The following EYS variants were observed in gnomAD, a reference collection of about 807,000 sequenced individuals.
EYS encodes EGF-like photoreceptor maintenance factor.
EYS carries 250 observed loss-of-function variants against 282.1 expected under a neutral mutation model. That is an observed-to-expected ratio of 0.89 (90% CI 0.80 to 0.98). EYS has a LOEUF of 0.98. Ranked by LOEUF, EYS falls within the 50% of genes least tolerant of loss-of-function variation. EYS has a pLI of 0.00. For synonymous variants in EYS, 1,355 were observed against 1,282.9 expected, an observed-to-expected ratio of 1.06 and a Z score of -1.20; for missense variants, 4,016 against 3,709.0, an observed-to-expected ratio of 1.08 and a Z score of -2.15.
intron 8 of EYS, among the ~76,000 whole-genome samples, chr6:65,376,749 A>T (rs1484326226): frequency 6.6e-6 from 1 of 152,214 alleles, no homozygotes; most frequent in Non-Finnish European, 1.5e-5. Context: ...CAGACGTTAA[A>T]CCAAGAAATA....
chr6:65,124,211 A>C (rs1377698867), intron 12 of EYS, among the ~76,000 whole-genome samples: 2 of 152,150 alleles, frequency 1.3e-5, no homozygotes, highest in Admixed American at 1.3e-4. Context: ...ATGTAAAAAA[A>C]AACATTGAAA....
intron 22 of EYS, among the ~76,000 whole-genome samples, chr6:64,686,310 T>C (rs1486363632): frequency 6.6e-6 from 1 of 151,736 alleles, no homozygotes; most frequent in East Asian, 1.9e-4. Context: ...ATAAGAGAAA[T>C]CTTTTATAAA....
intron 35 of EYS, among the ~76,000 whole-genome samples, chr6:63,948,829 A>G (rs976677949): frequency 2.0e-5 from 3 of 152,158 alleles, no homozygotes; most frequent in Non-Finnish European, 4.4e-5. Flanking sequence ...GTATTGTTCC[A>G]TAATTATTTA....
intron 2 of EYS, among the ~76,000 whole-genome samples, chr6:65,557,559 C>T (rs1299118951): frequency 2.6e-5 from 4 of 152,204 alleles, no homozygotes; most frequent in East Asian, 1.9e-4. Context: ...GGTGTTACAA[C>T]ATGTCACAGC....
At chr6:64,255,359 C>A (rs968224772) in intron 30 of EYS, among the ~76,000 whole-genome samples, 1 of 152,018 alleles carries the variant, frequency 6.6e-6, no homozygotes, top group African/African-American at 2.4e-5. Flanking sequence ...TGTCTATGAG[C>A]ATCATCTTTC....
chr6:65,267,990 T>C (rs1767803321), intron 12 of EYS, among the ~76,000 whole-genome samples: 1 of 151,538 alleles, frequency 6.6e-6, no homozygotes, highest in Admixed American at 6.6e-5. Flanking sequence ...CACAAAAGCA[T>C]ATAAAGAAAA....
intron 12 of EYS, among the ~76,000 whole-genome samples, chr6:65,073,805 T>C (rs1773969067): frequency 2.0e-5 from 3 of 151,968 alleles, no homozygotes; most frequent in Non-Finnish European, 4.4e-5. Flanking sequence ...ATTTGGTAGC[T>C]CTGGAATGAA....
intron 26 of EYS, among the ~76,000 whole-genome samples, chr6:64,440,974 C>T (rs776762384): frequency 7.2e-5 from 11 of 152,018 alleles, no homozygotes; most frequent in Admixed American, 3.9e-4. Context: ...CAGCCCCTAT[C>T]GGAACATGAA....
At chr6:64,133,476 T>TCACACACACACACACA (rs61088369) in intron 31 of EYS, among the ~76,000 whole-genome samples, 2 of 142,354 alleles carry the variant, frequency 1.4e-5, no homozygotes, top group African/African-American at 2.6e-5. Flanking sequence ...TTGCATTACT[T>TCACACACACACACACA]CACACACACA....
chr6:64,166,028 A>AT (rs1049108300), intron 31 of EYS, among the ~76,000 whole-genome samples: 6 of 152,104 alleles, frequency 3.9e-5, no homozygotes, highest in African/African-American at 1.4e-4. Flanking sequence ...TGAGTGCATT[A>AT]TTTTTGTTAT....
rs191588494 is a variant in EYS, at chr6:65,167,439, C to A, written c.2024-109712G>T. Among the ~76,000 whole-genome samples, 147 of 151,270 alleles carry A rather than the reference C, an allele frequency of 9.7e-4. 1 individual carries two copies. The highest frequency in any genetic ancestry group is 3.4e-3 in the African/African-American group (139 of 41,386). ...GTTTTCTATAAATGGGTATATTGTACACTTTTAAAAAGTGAATTTTTATGG... is the reference window on the plus strand; with the variant it reads ...GTTTTCTATAAATGGGTATATTGTAAACTTTTAAAAAGTGAATTTTTATGG... On this transcript the variant is annotated intron_variant, in intron 12 of 42. Transcript: ENST00000503581.
intron 12 of EYS, among the ~76,000 whole-genome samples, chr6:65,094,311 C>A (rs1774667364): frequency 4.6e-5 from 5 of 109,800 alleles, no homozygotes; most frequent in South Asian, 3.3e-4. Context: ...AATGGGATAT[C>A]TTAACGAAAA....
At chr6:64,995,715 T>C (rs1583374688) in intron 14 of EYS, among the ~76,000 whole-genome samples, 5 of 147,244 alleles carry the variant, frequency 3.4e-5, no homozygotes, top group African/African-American at 4.9e-5. Flanking sequence ...TCTTTCTGCT[T>C]CCCCCCCGCC....
intron 19 of EYS, among the ~76,000 whole-genome samples, chr6:64,838,205 G>T (rs183625161): frequency 6.6e-6 from 1 of 151,772 alleles, no homozygotes; most frequent in Non-Finnish European, 1.5e-5. Context: ...CATAGTTTGG[G>T]ATTTGACTGT....
intron 12 of EYS, among the ~76,000 whole-genome samples, chr6:65,285,445 T>C (rs550064679): frequency 2.0e-5 from 3 of 151,966 alleles, no homozygotes; most frequent in Non-Finnish European, 4.4e-5. Context: ...TCTTGCATTT[T>C]TGGATGCTGT....
chr6:64,926,362 T>A (rs574799411), intron 15 of EYS, among the ~76,000 whole-genome samples: 1 of 152,202 alleles, frequency 6.6e-6, no homozygotes, highest in South Asian at 2.1e-4. Flanking sequence ...TAGCTCCCTA[T>A]GAGCTAGGAT....
intron 28 of EYS, among the ~76,000 whole-genome samples, chr6:64,404,420 C>A (rs75678939): frequency 6.6e-6 from 1 of 151,076 alleles, no homozygotes; most frequent in South Asian, 2.1e-4. Context: ...TGTGCACGCA[C>A]GCGTGTGAGC....
In EYS at chr6:64,009,614, A is replaced by T. The variant is rs140579351; in HGVS notation, c.6726-10431T>A. 1.6e-3 allele frequency among the ~76,000 whole-genome samples: 247 copies of T among 152,200 alleles called. 2 individuals carry two copies. The East Asian group carries it at 0.036, about 22-fold the overall frequency. Reference sequence around the variant, plus strand: ...GGTTCTTTCTTAAAATGACCATTTCATCTTTCATCTCCTGTATCTTTTTAT... The same window carrying T: ...GGTTCTTTCTTAAAATGACCATTTCTTCTTTCATCTCCTGTATCTTTTTAT... On this transcript the variant is annotated intron_variant, in intron 33 of 42. Coordinates refer to ENST00000503581, the MANE Select transcript of EYS (RefSeq NM_001142800.2).
At chr6:65,479,929 G>A in intron 5 of EYS, among the ~76,000 whole-genome samples, 1 of 151,636 alleles carries the variant, frequency 6.6e-6, no homozygotes, top group South Asian at 2.1e-4. Context: ...GCCAAGGCAG[G>A]TGGATCAGGA....
Sources: gnomAD v4.1 joint callset for allele counts (sites outside exome capture counted in the v4.1 genomes callset) on GRCh38, gnomAD v4.1.1 for gene constraint, MANE v1.5 for transcripts, NCBI Gene and HGNC (gene_info 2026-07-23, HGNC 2026-07-21) for gene names.